The following PKP4 variants were observed in gnomAD, a reference collection of about 807,000 sequenced individuals.
PKP4 encodes the protein plakophilin 4.
PKP4 carries 90 observed loss-of-function variants against 145.1 expected under a neutral mutation model. That is an observed-to-expected ratio of 0.62 (90% confidence interval 0.52 to 0.74). The LOEUF (loss-of-function observed/expected upper bound fraction) is 0.74, where lower values mean the gene tolerates loss of function less well. PKP4 is among the 30% of genes least tolerant of loss of function. PKP4 has a pLI of 0.00. For synonymous variants in PKP4, 563 were observed against 577.2 expected (o/e 0.98, Z 0.35); for missense variants, 1,340 against 1,482.7 (o/e 0.90, Z 1.58).
chr2:158,519,144 TC>T (rs199852525), intron 1 of PKP4, among the ~76,000 whole-genome samples: 4 of 149,094 alleles, frequency 2.7e-5, no homozygotes, highest in Non-Finnish European at 6.1e-5. Context: ...AAAATCTCTC[TC>T]TTTTTTTTTT....
At chr2:158,537,094 T>G (rs973776164) in intron 2 of PKP4, among the ~76,000 whole-genome samples, 2 of 152,292 alleles carry the variant, frequency 1.3e-5, no homozygotes, top group African/African-American at 4.8e-5. Context: ...GTCACCAACT[T>G]GCGGTTTTAT....
intron 1 of PKP4, among the ~76,000 whole-genome samples, chr2:158,476,242 A>G (rs891705056): frequency 6.6e-6 from 1 of 152,192 alleles, no homozygotes; most frequent in Non-Finnish European, 1.5e-5. Context: ...ATTGGTTTTC[A>G]TCCACATGTA....
intron 1 of PKP4, among the ~76,000 whole-genome samples, chr2:158,493,038 A>G (rs1251480138): frequency 6.6e-6 from 1 of 152,128 alleles, no homozygotes; most frequent in African/African-American, 2.4e-5. Context: ...ACAAATTATA[A>G]CAGTCCTTTG....
At chr2:158,561,992 T>C (rs1281674060) in intron 2 of PKP4, among the ~76,000 whole-genome samples, 2 of 140,056 alleles carry the variant, frequency 1.4e-5, no homozygotes, top group Non-Finnish European at 3.1e-5. Flanking sequence ...AGTGTTCTCA[T>C]AATCAAGTCA....
intron 11 of PKP4, among the ~76,000 whole-genome samples, chr2:158,656,697 T>C (rs2055967957): frequency 6.6e-6 from 1 of 152,170 alleles, no homozygotes. Flanking sequence ...CAGGTTCCAG[T>C]CCGACCATTC....
intron 2 of PKP4, among the ~76,000 whole-genome samples, chr2:158,549,562 G>A (rs1195343917): frequency 6.6e-6 from 1 of 151,990 alleles, no homozygotes; most frequent in Non-Finnish European, 1.5e-5. Context: ...AAGGGCTGCT[G>A]GGCCTGCAGG....
chr2:158,591,462 G>A (rs1462829735), intron 3 of PKP4, among the ~76,000 whole-genome samples: 2 of 152,128 alleles, frequency 1.3e-5, no homozygotes, highest in Admixed American at 6.5e-5. Context: ...GAATAAAGAT[G>A]TCAATGAAAT....
chr2:158,570,232 C>T (rs191408775), intron 2 of PKP4, among the ~76,000 whole-genome samples: 3 of 152,230 alleles, frequency 2.0e-5, no homozygotes, highest in Admixed American at 2.0e-4. Context: ...TTGCACCAGC[C>T]TAGGTTACAG....
chr2:158,521,946 G>A (rs6743102), intron 1 of PKP4, among the ~76,000 whole-genome samples: 101,778 of 151,930 alleles, frequency 0.67, 34,292 homozygotes, highest in South Asian at 0.83. Flanking sequence ...AAATATTCAC[G>A]CTTTCTTTAA....
In PKP4 at chr2:158,460,781, A is replaced by G. The variant is rs1001539998; in HGVS notation, c.-6+3563A>G. Among the ~76,000 whole-genome samples, 3 of 152,228 alleles carry G rather than the reference A, an allele frequency of 2.0e-5. No homozygotes were observed. In the South Asian group the frequency reaches 6.2e-4, roughly 31 times the overall value. On this transcript the variant is annotated intron_variant, in intron 1 of 21. Coordinates refer to ENST00000389759, the MANE Select transcript of PKP4 (RefSeq NM_003628.6). ...ATGTCAGTTTGGGAAGTTTGCCTTC[A>G]CGCCTTCAAGTGTACAGGGAGATAG...
At chr2:158,499,800 A>G (rs1574125049) in intron 1 of PKP4, among the ~76,000 whole-genome samples, 2 of 152,218 alleles carry the variant, frequency 1.3e-5, no homozygotes, top group South Asian at 4.1e-4. Context: ...GCACCTGCCC[A>G]TAGATTTGTC....
chr2:158,494,876 T>A (rs900117548), intron 1 of PKP4, among the ~76,000 whole-genome samples: 2 of 142,222 alleles, frequency 1.4e-5, no homozygotes, highest in Non-Finnish European at 3.1e-5. Flanking sequence ...ATCATTGCTC[T>A]ATTTTTTTTT....
intron 2 of PKP4, among the ~76,000 whole-genome samples, chr2:158,552,085 C>T (rs1189996618): frequency 6.6e-6 from 1 of 152,126 alleles, no homozygotes; most frequent in Non-Finnish European, 1.5e-5. Flanking sequence ...GTTCTAAATG[C>T]CATCACAAGT....
At chr2:158,579,098 G>A (rs963499417) in intron 3 of PKP4, among the ~76,000 whole-genome samples, 3 of 152,150 alleles carry the variant, frequency 2.0e-5, no homozygotes, top group Non-Finnish European at 4.4e-5. Flanking sequence ...ATCATATGTG[G>A]GTTTGGAGCC....
intron 2 of PKP4, among the ~76,000 whole-genome samples, chr2:158,545,370 G>T (rs1412559982): frequency 1.3e-5 from 2 of 152,110 alleles, no homozygotes; most frequent in Non-Finnish European, 2.9e-5. Context: ...AGGTGGAGAA[G>T]TTTTAAAATT....
intron 2 of PKP4, among the ~76,000 whole-genome samples, chr2:158,534,895 A>C (rs1436424427): frequency 2.0e-5 from 3 of 152,180 alleles, no homozygotes; most frequent in African/African-American, 7.2e-5. Flanking sequence ...AAGGCAGCCA[A>C]AAATGTATTC....
intron 4 of PKP4, among the ~76,000 whole-genome samples, chr2:158,608,908 G>A (rs572869011): frequency 6.4e-5 from 9 of 141,326 alleles, no homozygotes; most frequent in Admixed American, 4.7e-4. Flanking sequence ...CCACCTCCTG[G>A]GTTCAAGAGA....
chr2:158,461,998 G>C (rs982737176), intron 1 of PKP4, among the ~76,000 whole-genome samples: 4 of 152,180 alleles, frequency 2.6e-5, no homozygotes, highest in African/African-American at 7.2e-5. Flanking sequence ...GTATATGAAG[G>C]TTAGGTAAAA....
At chr2:158,488,200 G>A (rs1340890287) in intron 1 of PKP4, among the ~76,000 whole-genome samples, 1 of 152,138 alleles carries the variant, frequency 6.6e-6, no homozygotes, top group Non-Finnish European at 1.5e-5. Context: ...AAAATTGGAG[G>A]CAAGGGGTGA....
Sources: allele counts gnomAD v4.1 joint callset (sites outside exome capture counted in the v4.1 genomes callset), GRCh38; gene constraint gnomAD v4.1.1; transcripts MANE v1.5; gene names NCBI Gene and HGNC (gene_info 2026-07-23, HGNC 2026-07-21).